Variants in ZNF440 observed in about 807,000 individuals in gnomAD.
ZNF440 encodes zinc finger protein 440.
ZNF440 carries 47 observed loss-of-function variants against 49.7 expected under a neutral mutation model. The ratio of observed to expected loss-of-function variants is 0.95; its 90% confidence interval spans 0.75 to 1.21. ZNF440 has a LOEUF of 1.21. Among genes scored for constraint, ZNF440 ranks in the 50% most tolerant of loss-of-function variants. ZNF440 has a pLI of 0.00. For synonymous variants in ZNF440, 255 were observed against 237.7 expected (o/e 1.07, Z -0.67); for missense variants, 703 against 715.0 (o/e 0.98, Z 0.19).
chr19:11,833,142 G>A lies in ZNF440; in HGVS notation c.*178G>A. On this transcript the variant is annotated 3_prime_UTR_variant, in exon 4 of 4. Coordinates refer to ENST00000304060, the MANE Select transcript of ZNF440 (RefSeq NM_152357.3). ...CGATATCATGAAAGGACTCACACTG[G>A]AGAGAACCCCTATGAGTGTAAGCAA... 2.2e-6 allele frequency: 3 copies of A among 1,375,974 alleles called. No individual in the cohort carries two copies. Among genetic ancestry groups the A allele is most frequent in the South Asian group, 2.4e-5 (2 of 83,704 alleles). 85.2% of individuals were successfully genotyped at this position (1,375,974 alleles called of 1,614,324 possible).
chr19:11,834,085 A>C lies in ZNF440; in HGVS notation c.*1121A>C, dbSNP rs1236758919. 3.4e-6 allele frequency: 1 copy of C among 293,830 alleles called. No homozygotes were observed. The highest frequency in any genetic ancestry group is 2.2e-5 in the African/African-American group (1 of 45,522). 18.2% of individuals were successfully genotyped at this position (293,830 alleles called of 1,614,324 possible). A position where few individuals can be genotyped will look rare whatever the true frequency, so the allele number is the denominator to read the frequency against. On this transcript the variant is annotated 3_prime_UTR_variant, in exon 4 of 4. Transcript: ENST00000304060. The stretch of plus-strand genomic sequence containing the variant: ...TTTTTATTCGAAAATTTTACTTTTC[A>C]TGCTTCTGTACTTACATTTTTATCT...
chr19:11,814,714 T>TG (rs944496694), intron 1 of ZNF440, among the ~76,000 whole-genome samples: 1 of 152,090 alleles, frequency 6.6e-6, no homozygotes, highest in Non-Finnish European at 1.5e-5. Flanking sequence ...GGGAGGGATA[T>TG]GGGGGGATCC....
intron 1 of ZNF440, among the ~76,000 whole-genome samples, chr19:11,822,528 G>A (rs1975811615): frequency 6.6e-6 from 1 of 152,122 alleles, no homozygotes; most frequent in Non-Finnish European, 1.5e-5. Flanking sequence ...GCAATACCTG[G>A]TTTGTCATAG....
At chr19:11,825,817 C>CTTTTTT (rs74180041) in intron 1 of ZNF440, among the ~76,000 whole-genome samples, 3 of 131,456 alleles carry the variant, frequency 2.3e-5, no homozygotes, top group Admixed American at 7.8e-5. Flanking sequence ...CTTTTCTTTT[C>CTTTTTT]TTTTTTTTTT....
chr19:11,832,326 C>T lies in ZNF440; in HGVS notation c.1150C>T (p.Arg384Ter), dbSNP rs780215713. The T allele has an allele frequency of 8.7e-5, 141 of 1,613,938 alleles. No individual in the cohort carries two copies. The South Asian group carries it at 1.1e-3, about 12-fold the overall frequency. The change falls in exon 4 of 4, where the codon CGA (arginine) becomes TGA (stop). Residue 384 changes from arginine (R) to a stop codon, truncating the protein, a stop_gained. Transcript: ENST00000304060. LOFTEE classifies it high-confidence loss of function. ...AGCCTTCCCTCATTCCAGTTCCCTT[C>T]GATATCATGAAAGGACTCACACTGG... ...GKAFPHSSSL[R>*]YHERTHTGEK...
intron 1 of ZNF440, among the ~76,000 whole-genome samples, chr19:11,825,159 A>T (rs1215008919): frequency 1.4e-5 from 2 of 147,132 alleles, no homozygotes; most frequent in African/African-American, 5.2e-5. Context: ...TTCCAAAAAT[A>T]AAAAAAATAA....
chr19:11,828,238 G>A (rs1975890265), intron 1 of ZNF440, among the ~76,000 whole-genome samples: 1 of 152,108 alleles, frequency 6.6e-6, no homozygotes, highest in South Asian at 2.1e-4. Flanking sequence ...CTGTTGCCCC[G>A]GCTGGAGTGC....
At chr19:11,829,084 A>G (rs1416057521) in intron 1 of ZNF440, among the ~76,000 whole-genome samples, 1 of 152,080 alleles carries the variant, frequency 6.6e-6, no homozygotes, top group Non-Finnish European at 1.5e-5. Context: ...GGGTGGCTGC[A>G]TTGCTCATTA....
intron 3 of ZNF440, 148 bp from the exon 4 acceptor site, chr19:11,831,220 T>G (rs1568243172): frequency 8.2e-6 from 9 of 1,096,446 alleles, no homozygotes; most frequent in Middle Eastern, 2.6e-4. Context: ...TTGTAGAATA[T>G]GTTGTCCAGT....
Position 11,834,009 on chromosome 19 carries a change from T to A in ZNF440, c.*1045T>A. The A allele has an allele frequency of 7.7e-6, 2 of 259,348 alleles. No individual in the cohort carries two copies. Among genetic ancestry groups the A allele is most frequent in the East Asian group, 1.6e-4 (2 of 12,288 alleles). 16.1% of individuals were successfully genotyped at this position (259,348 alleles called of 1,614,324 possible). A position where few individuals can be genotyped will look rare whatever the true frequency, so the allele number is the denominator to read the frequency against. ...CAGCCTTATACTGTTAAATTGTTAT[T>A]ATTTGGACATTGTGAGTCAGTATAA... On this transcript the variant is annotated 3_prime_UTR_variant, in exon 4 of 4. Coordinates refer to ENST00000304060, the MANE Select transcript of ZNF440 (RefSeq NM_152357.3).
chr19:11,833,499 A>G lies in ZNF440; in HGVS notation c.*535A>G. 3.1e-6 allele frequency: 1 copy of G among 326,430 alleles called. No homozygotes were observed. The highest frequency in any genetic ancestry group is 3.2e-5 in the South Asian group (1 of 30,872). 20.2% of individuals were successfully genotyped at this position (326,430 alleles called of 1,614,324 possible). A position where few individuals can be genotyped will look rare whatever the true frequency, so the allele number is the denominator to read the frequency against. ...ACTGGAAGGAAACACTATGAATGCA[A>G]GCAATGTGGCAAAGCTTTCACTTCT... On this transcript the variant is annotated 3_prime_UTR_variant, in exon 4 of 4. Transcript: ENST00000304060.
At chr19:11,816,369 C>A (rs1568237893) in intron 1 of ZNF440, 1 of 152,210 alleles carries the variant, frequency 6.6e-6, no homozygotes, top group East Asian at 1.9e-4. Flanking sequence ...AATTCTAAGG[C>A]GTAACTTTAC....
chr19:11,819,118 G>A (rs1006611857), intron 1 of ZNF440, among the ~76,000 whole-genome samples: 3 of 151,826 alleles, frequency 2.0e-5, no homozygotes, highest in African/African-American at 7.3e-5. Context: ...GACCAGCCTG[G>A]GCAACATAGT....
rs1343344092 is a variant in ZNF440, at chr19:11,832,311, C to T, written c.1135C>T (p.His379Tyr). The change falls in exon 4 of 4, where the codon CAT becomes TAT. Residue 379 changes from histidine (H) to tyrosine (Y), a missense_variant. By Grantham distance (83) the His-to-Tyr change is moderately conservative. Transcript: ENST00000304060. Reference protein sequence around the residue: ...KCKQCGKAFPHSSSLRYHERT... With the variant: ...KCKQCGKAFPYSSSLRYHERT... ...TAAGCAGTGTGGTAAAGCCTTCCCT[C>T]ATTCCAGTTCCCTTCGATATCATGA... is the stretch of plus-strand genomic sequence containing the variant. 1 of 1,614,014 alleles carries T rather than the reference C, an allele frequency of 6.2e-7. No homozygotes were observed. The highest frequency in any genetic ancestry group is 8.5e-7 in the Non-Finnish European group (1 of 1,180,012).
chr19:11,824,901 G>T (rs1975843980), intron 1 of ZNF440, among the ~76,000 whole-genome samples: 1 of 151,874 alleles, frequency 6.6e-6, no homozygotes, highest in Admixed American at 6.6e-5. Flanking sequence ...TAGAGAGAGG[G>T]TTTCACCATA....
At position 11,814,290 on chromosome 19, in the gene ZNF440, T is replaced by C. The variant is rs1428691751; in HGVS notation, c.-158T>C. ...GGACAGTCGCCCTCCGTCCATTCCT[T>C]TAGTGCTGCGCCGACAGCGGTCAGG... is the stretch of plus-strand genomic sequence containing the variant. On this transcript the variant is annotated 5_prime_UTR_variant, in exon 1 of 4. Coordinates refer to ENST00000304060, the MANE Select transcript of ZNF440 (RefSeq NM_152357.3). 9.7e-6 allele frequency: 7 copies of C among 719,898 alleles called. No homozygotes were observed. Among genetic ancestry groups the C allele is most frequent in the Non-Finnish European group, 1.2e-5 (6 of 487,852 alleles). The allele number at this position is 719,898 out of a possible 1,614,324, so 44.6% of individuals were successfully genotyped here.
intron 1 of ZNF440, among the ~76,000 whole-genome samples, chr19:11,827,042 G>C (rs1297690961): frequency 6.6e-6 from 1 of 151,362 alleles, no homozygotes; most frequent in East Asian, 1.9e-4. Flanking sequence ...ATTCTTTAGC[G>C]GGAGGTATAC....
rs75238322 is a variant in ZNF440 at position 11,821,588 on chromosome 19, G to A, written c.3+7138G>A. The stretch of plus-strand genomic sequence containing the variant: ...TCAGAATATGAAAGGGGGCACACAG[G>A]GGGGTATAGTGCAGTGTTGGTGGAA... On this transcript the variant is annotated intron_variant, in intron 1 of 3. Transcript: ENST00000304060. Among the ~76,000 whole-genome samples, 12 of 152,194 alleles carry A rather than the reference G, an allele frequency of 7.9e-5. 1 individual carries two copies. The highest frequency in any genetic ancestry group is 6.2e-4 in the South Asian group (3 of 4,828).
chr19:11,833,503 A>G lies in ZNF440; in HGVS notation c.*539A>G, dbSNP rs545293677. On this transcript the variant is annotated 3_prime_UTR_variant, in exon 4 of 4. Coordinates refer to ENST00000304060, the MANE Select transcript of ZNF440 (RefSeq NM_152357.3). ...GAAGGAAACACTATGAATGCAAGCA[A>G]TGTGGCAAAGCTTTCACTTCTTCCA... 4.3e-5 allele frequency: 14 copies of G among 323,316 alleles called. No homozygotes were observed. Among genetic ancestry groups the G allele is most frequent in the African/African-American group, 2.0e-4 (9 of 45,160 alleles). The allele number at this position is 323,316 out of a possible 1,614,324, so 20.0% of individuals were successfully genotyped here.
Sources: allele counts gnomAD v4.1 joint callset (sites outside exome capture counted in the v4.1 genomes callset), GRCh38; gene constraint gnomAD v4.1.1; transcripts MANE v1.5; gene names NCBI Gene and HGNC (gene_info 2026-07-23, HGNC 2026-07-21).